ZNF487: variants seen among roughly 807,000 people sequenced by gnomAD.
ZNF487 encodes the protein KRAB domain only 1.
In ZNF487, 4 loss-of-function variants were observed where a neutral mutation model predicts 3.0. That is an observed-to-expected ratio of 1.35 (90% CI 0.66 to 3.08). The LOEUF is 3.08. Among genes scored for constraint, ZNF487 ranks in the 30% most tolerant of loss-of-function variants. The pLI is 0.01. For synonymous variants in ZNF487, 55 were observed against 34.6 expected (o/e 1.59, Z -2.06); for missense variants, 146 against 98.7 (o/e 1.48, Z -2.03).
At chr10:43,458,769 A>C (rs914332129) in intron 1 of ZNF487, among the ~76,000 whole-genome samples, 8 of 151,934 alleles carry the variant, frequency 5.3e-5, no homozygotes, top group African/African-American at 1.9e-4. Context: ...TCGAGTACTC[A>C]GTCAGTACAT....
intron 1 of ZNF487, chr10:43,452,958 C>G (rs1335921369): frequency 6.6e-6 from 1 of 151,714 alleles, no homozygotes; most frequent in African/African-American, 2.4e-5. Context: ...TATTTTATAC[C>G]TTTTTTTCCC....
At chr10:43,469,894 G>A (rs1009244336) in intron 1 of ZNF487, among the ~76,000 whole-genome samples, 2 of 151,636 alleles carry the variant, frequency 1.3e-5, no homozygotes, top group South Asian at 4.2e-4. Context: ...AGGTTGCAGT[G>A]AGCTGAGATC....
At chr10:43,489,358 T>A in the ZNF487 span, among the ~76,000 whole-genome samples, 3 of 152,124 alleles carry the variant, frequency 2.0e-5, no homozygotes, top group Non-Finnish European at 4.4e-5. Context: ...TTTATTTATT[T>A]TTATTTATTT....
At chr10:43,477,133 G>GA (rs1841127035) in intron 3 of ZNF487, among the ~76,000 whole-genome samples, 1 of 151,012 alleles carries the variant, frequency 6.6e-6, no homozygotes, top group Non-Finnish European at 1.5e-5. Context: ...CCCAACATGT[G>GA]AATCAGTTAC....
At chr10:43,498,185 T>TGG in the ZNF487 span, among the ~76,000 whole-genome samples, 33 of 110,992 alleles carry the variant, frequency 3.0e-4, no homozygotes, top group African/African-American at 9.5e-4. Context: ...TGGAGTGCAG[T>TGG]GGCATGATCT....
chr10:43,483,117 T>C lies in ZNF487; in HGVS notation c.*1195T>C. 6.6e-6 allele frequency: 3 copies of C among 456,422 alleles called. No individual in the cohort carries two copies. The highest frequency in any genetic ancestry group is 4.6e-5 in the South Asian group (3 of 64,562). The allele number at this position is 456,422 out of a possible 1,614,324, so 28.3% of individuals were successfully genotyped here. On this transcript the variant is annotated 3_prime_UTR_variant, in exon 4 of 4. Coordinates refer to ENST00000437590, the MANE Select transcript of ZNF487 (RefSeq NM_001355444.3). ...GAAACCTTCACCTTCTTGGACTCGT[T>C]CCATAGCAGAAACAACCCAGGTTGG... is the stretch of plus-strand genomic sequence containing the variant.
the ZNF487 span, among the ~76,000 whole-genome samples, chr10:43,522,640 A>C: frequency 6.6e-6 from 1 of 152,192 alleles, no homozygotes; most frequent in African/African-American, 2.4e-5. Context: ...AGGATGAGGC[A>C]GGAGAATCAC....
At chr10:43,459,344 C>T (rs2132085036) in intron 1 of ZNF487, among the ~76,000 whole-genome samples, 1 of 152,222 alleles carries the variant, frequency 6.6e-6, no homozygotes, top group East Asian at 1.9e-4. Context: ...ATCCTCCTGC[C>T]TCAGCCTCCC....
At chr10:43,519,090 T>A in the ZNF487 span, among the ~76,000 whole-genome samples, 36 of 150,580 alleles carry the variant, frequency 2.4e-4, no homozygotes, top group Admixed American at 3.3e-4. Flanking sequence ...CTCTCAAAAA[T>A]TTTTTTTTTG....
At chr10:43,514,062 G>A in the ZNF487 span, among the ~76,000 whole-genome samples, 150 of 152,256 alleles carry the variant, frequency 9.9e-4, 1 homozygote, top group African/African-American at 3.6e-3. Context: ...CTTCATTCAA[G>A]GGGTTCTGGA....
At chr10:43,475,609 G>C (rs1588741155) in intron 1 of ZNF487, 112 bp from the exon 2 acceptor site, 1 of 694,378 alleles carries the variant, frequency 1.4e-6, no homozygotes, top group East Asian at 2.7e-5. Flanking sequence ...ATCCTATGTA[G>C]CATTTTCTCT....
chr10:43,498,075 T>TATATATATATA, the ZNF487 span, among the ~76,000 whole-genome samples: 5 of 35,022 alleles, frequency 1.4e-4, no homozygotes, highest in African/African-American at 6.2e-4. Context: ...ATTTGGTATT[T>TATATATATATA]TATATATATA....
intron 1 of ZNF487, among the ~76,000 whole-genome samples, chr10:43,442,048 C>A (rs950134643): frequency 2.0e-5 from 3 of 152,000 alleles, no homozygotes; most frequent in African/African-American, 7.2e-5. Context: ...TGTAGCTAAC[C>A]CTGTCTGTAC....
chr10:43,461,867 A>G (rs1004911413), intron 1 of ZNF487, among the ~76,000 whole-genome samples: 2 of 152,136 alleles, frequency 1.3e-5, no homozygotes, highest in Non-Finnish European at 1.5e-5. Flanking sequence ...GTTTGTTTCT[A>G]CCTTGTCATT....
intron 1 of ZNF487, among the ~76,000 whole-genome samples, chr10:43,466,593 G>C (rs1032701372): frequency 1.1e-4 from 16 of 151,418 alleles, no homozygotes; most frequent in Non-Finnish European, 1.9e-4. Flanking sequence ...AGTAGAGACG[G>C]GGTTTCACCA....
chr10:43,468,659 C>G (rs1840791312), intron 1 of ZNF487, among the ~76,000 whole-genome samples: 1 of 112,346 alleles, frequency 8.9e-6, no homozygotes, highest in Non-Finnish European at 1.7e-5. Context: ...AGCCTGGGCA[C>G]CAAGAGTGAA....
the ZNF487 span, among the ~76,000 whole-genome samples, chr10:43,500,185 AT>A: frequency 4.6e-5 from 7 of 151,768 alleles, no homozygotes; most frequent in Middle Eastern, 3.4e-3. Context: ...TCATCTTTAT[AT>A]TTTTTTAGAG....
At chr10:43,450,898 T>A (rs1245890541) in intron 1 of ZNF487, among the ~76,000 whole-genome samples, 3 of 152,168 alleles carry the variant, frequency 2.0e-5, no homozygotes, top group Non-Finnish European at 4.4e-5. Flanking sequence ...AGTAATACAT[T>A]TGGAGCCACG....
At chr10:43,457,086 C>T (rs745924954) in intron 1 of ZNF487, among the ~76,000 whole-genome samples, 3 of 152,126 alleles carry the variant, frequency 2.0e-5, no homozygotes, top group Non-Finnish European at 2.9e-5. Flanking sequence ...AAGATGAAAA[C>T]CACTGAACTC....
Sources: allele counts gnomAD v4.1 joint callset (sites outside exome capture counted in the v4.1 genomes callset), GRCh38; gene constraint gnomAD v4.1.1; transcripts MANE v1.5; gene names NCBI Gene and HGNC (gene_info 2026-07-23, HGNC 2026-07-21).